The following CACNA2D3 variants were observed in gnomAD, a reference collection of about 807,000 sequenced individuals.
The protein encoded by CACNA2D3 is voltage-dependent calcium channel subunit alpha-2/delta-3.
A neutral mutation model predicts 160.6 loss-of-function variants in CACNA2D3; 60 were observed. The observed-to-expected ratio is 0.37, with a 90% CI of 0.30 to 0.46. The LOEUF is 0.46. Among genes scored for constraint, CACNA2D3 ranks in the 20% least tolerant of loss-of-function variants. The pLI is 1.00. For synonymous variants in CACNA2D3, 558 were observed against 492.9 expected (o/e 1.13, Z -1.75); for missense variants, 1,205 against 1,365.0 (o/e 0.88, Z 1.85).
chr3:54,455,729 CATTTT>C (rs1259049850), intron 4 of CACNA2D3, among the ~76,000 whole-genome samples: 1 of 151,982 alleles, frequency 6.6e-6, no homozygotes, highest in Admixed American at 6.6e-5. Flanking sequence ...GTCTTTAATT[CATTTT>C]GAGTTGATTT....
chr3:54,546,868 A>C (rs1458353427), intron 5 of CACNA2D3, among the ~76,000 whole-genome samples: 4 of 152,214 alleles, frequency 2.6e-5, no homozygotes, highest in African/African-American at 9.6e-5. Flanking sequence ...ATTTCTTCTC[A>C]AAAGTGGTCC....
At chr3:54,997,368 T>C (rs1229583863) in intron 31 of CACNA2D3, among the ~76,000 whole-genome samples, 1 of 152,036 alleles carries the variant, frequency 6.6e-6, no homozygotes, top group Non-Finnish European at 1.5e-5. Context: ...TAATGAAATA[T>C]TGCAGATAGG....
chr3:54,559,437 C>G (rs545796415), intron 5 of CACNA2D3, among the ~76,000 whole-genome samples: 8 of 152,050 alleles, frequency 5.3e-5, no homozygotes, highest in African/African-American at 1.9e-4. Flanking sequence ...GGACTACAGA[C>G]GCCCGCCACC....
chr3:54,824,119 CAGA>C (rs1703699138), intron 14 of CACNA2D3, among the ~76,000 whole-genome samples: 1 of 152,208 alleles, frequency 6.6e-6, no homozygotes, highest in Non-Finnish European at 1.5e-5. Context: ...CAGCTATAAT[CAGA>C]AGGACAAAGG....
chr3:54,256,442 C>T (rs181970395), intron 2 of CACNA2D3, among the ~76,000 whole-genome samples: 2 of 152,272 alleles, frequency 1.3e-5, no homozygotes, highest in East Asian at 1.9e-4. Context: ...GGAATATGGG[C>T]AGCTTTTGTG....
chr3:54,831,353 A>G (rs1356546994), intron 14 of CACNA2D3, among the ~76,000 whole-genome samples: 1 of 152,136 alleles, frequency 6.6e-6, no homozygotes, highest in Non-Finnish European at 1.5e-5. Flanking sequence ...ATTCACCCCC[A>G]GGGGCTTCCA....
At position 54,184,956 on chromosome 3, in the gene CACNA2D3, C is replaced by T. The variant is rs866653009; in HGVS notation, c.204+61362C>T. On this transcript the variant is annotated intron_variant, in intron 2 of 37. Coordinates refer to ENST00000474759, the MANE Select transcript of CACNA2D3 (RefSeq NM_018398.3). ...CGTAGGCTAGGTAGGGAAGCCCTTA[C>T]GGGAGGATTCATTTGGCGTTGTGTG... 5.9e-5 allele frequency among the ~76,000 whole-genome samples: 9 copies of T among 152,246 alleles called. 1 individual carries two copies. The South Asian group carries it at 1.7e-3, about 28-fold the overall frequency.
At chr3:54,433,646 A>G (rs766771084) in intron 4 of CACNA2D3, among the ~76,000 whole-genome samples, 3 of 152,190 alleles carry the variant, frequency 2.0e-5, no homozygotes, top group Non-Finnish European at 2.9e-5. Context: ...ATGGGAGAAG[A>G]CAGACGGCCT....
intron 4 of CACNA2D3, among the ~76,000 whole-genome samples, chr3:54,406,176 C>T (rs1344308829): frequency 6.6e-6 from 1 of 152,058 alleles, no homozygotes; most frequent in Non-Finnish European, 1.5e-5. Flanking sequence ...CTGTATGACC[C>T]AGAAATTGCT....
chr3:54,855,508 A>G (rs1012873237), intron 17 of CACNA2D3, among the ~76,000 whole-genome samples: 5 of 152,152 alleles, frequency 3.3e-5, no homozygotes, highest in African/African-American at 1.2e-4. Flanking sequence ...GTGAGAATAC[A>G]TGGAAGGTTT....
chr3:54,924,853 G>C, intron 27 of CACNA2D3: 1 of 1,613,966 alleles, frequency 6.2e-7, no homozygotes, highest in Non-Finnish European at 8.5e-7. Context: ...AGCTCCCTCA[G>C]CTGAGGGAGG....
intron 4 of CACNA2D3, among the ~76,000 whole-genome samples, chr3:54,426,981 C>T (rs1483728513): frequency 1.3e-5 from 2 of 151,900 alleles, no homozygotes; most frequent in Non-Finnish European, 2.9e-5. Context: ...TTTTCTTTCT[C>T]TTCTCTCTCC....
At chr3:54,737,436 G>A (rs1252697654) in intron 11 of CACNA2D3, among the ~76,000 whole-genome samples, 1 of 152,062 alleles carries the variant, frequency 6.6e-6, no homozygotes, top group Non-Finnish European at 1.5e-5. Flanking sequence ...TGCAGAGCAG[G>A]CAGGTGGGCA....
intron 11 of CACNA2D3, among the ~76,000 whole-genome samples, chr3:54,676,118 G>A (rs949267842): frequency 3.9e-5 from 6 of 152,072 alleles, no homozygotes; most frequent in African/African-American, 1.4e-4. Flanking sequence ...CATCAACCAC[G>A]CACAGTTGTT....
intron 2 of CACNA2D3, among the ~76,000 whole-genome samples, chr3:54,143,462 T>A (rs1361885161): frequency 6.6e-6 from 1 of 152,222 alleles, no homozygotes; most frequent in Admixed American, 6.5e-5. Flanking sequence ...CAAACTGCTA[T>A]CCCATTATTC....
At chr3:54,596,960 T>C (rs1173974300) in intron 9 of CACNA2D3, among the ~76,000 whole-genome samples, 1 of 152,108 alleles carries the variant, frequency 6.6e-6, no homozygotes, top group Non-Finnish European at 1.5e-5. Context: ...AGTTTCTCAC[T>C]GCCCTCCCCA....
chr3:54,673,427 G>A (rs1184255430), intron 11 of CACNA2D3, among the ~76,000 whole-genome samples: 1 of 152,168 alleles, frequency 6.6e-6, no homozygotes, highest in Non-Finnish European at 1.5e-5. Context: ...TATCTGATCA[G>A]GAAAACATTT....
At chr3:54,319,199 C>CACACACACACACACAT (rs1291286123) in intron 2 of CACNA2D3, among the ~76,000 whole-genome samples, 119 of 149,268 alleles carry the variant, frequency 8.0e-4, no homozygotes, top group East Asian at 4.1e-3. Flanking sequence ...CACACACACA[C>CACACACACACACACAT]ACCCTTCCTC....
chr3:54,597,840 G>T (rs1451758535), intron 9 of CACNA2D3, among the ~76,000 whole-genome samples: 3 of 152,074 alleles, frequency 2.0e-5, no homozygotes, highest in African/African-American at 7.2e-5. Context: ...ATTCTGTTTT[G>T]GTGGGAGAAG....
Sources: allele counts gnomAD v4.1 joint callset (sites outside exome capture counted in the v4.1 genomes callset), GRCh38; gene constraint gnomAD v4.1.1; transcripts MANE v1.5; gene names NCBI Gene and HGNC (gene_info 2026-07-23, HGNC 2026-07-21).